ABCC6: variants seen among roughly 807,000 people sequenced by gnomAD.
ABCC6 encodes the protein ATP binding cassette subfamily C member 6.
A neutral mutation model predicts 169.5 loss-of-function variants in ABCC6; 126 were observed. That is an observed-to-expected ratio of 0.74 (90% CI 0.64 to 0.86). ABCC6 has a LOEUF of 0.86. Among genes scored for constraint, ABCC6 ranks in the 40% least tolerant of loss-of-function variants. ABCC6 has a pLI of 0.00. For synonymous variants in ABCC6, 752 were observed against 814.7 expected (o/e 0.92, Z 1.31); for missense variants, 1,733 against 1,927.2 (o/e 0.90, Z 1.89).
At chr16:16,185,270 G>A (rs1358620166) in intron 14 of ABCC6, among the ~76,000 whole-genome samples, 2 of 152,214 alleles carry the variant, frequency 1.3e-5, no homozygotes, top group East Asian at 3.9e-4. Context: ...GTGGCCCAGA[G>A]ACCAAATCCT....
chr16:16,210,984 G>A (rs147222706), intron 6 of ABCC6, among the ~76,000 whole-genome samples: 5,365 of 152,060 alleles, frequency 0.035, 113 homozygotes, highest in African/African-American at 0.046. Context: ...AATCCCAGCT[G>A]CTCGGGAGGC....
intron 7 of ABCC6, among the ~76,000 whole-genome samples, chr16:16,208,428 A>C (rs1356223478): frequency 6.6e-6 from 1 of 151,106 alleles, no homozygotes; most frequent in Non-Finnish European, 1.5e-5. Context: ...GCTGGAGTGC[A>C]ATGGTGACAT....
In ABCC6 at chr16:16,214,946, G is replaced by A. The variant is rs565125285; in HGVS notation, c.475-497C>T. On this transcript the variant is annotated intron_variant, in intron 4 of 30. Transcript: ENST00000205557. ...TCAAATACCCAATTTATAATATTCT[G>A]TCTATACAAATGGTGGGCCAGGGCT... 3.9e-5 allele frequency among the ~76,000 whole-genome samples: 6 copies of A among 152,258 alleles called. No individual in the cohort carries two copies. In the South Asian group the frequency reaches 1.2e-3, roughly 32 times the overall value.
At chr16:16,156,927 A>C (rs2046568732) in intron 27 of ABCC6, among the ~76,000 whole-genome samples, 1 of 126,374 alleles carries the variant, frequency 7.9e-6, no homozygotes, top group Admixed American at 9.7e-5. Flanking sequence ...TGGGCAACAG[A>C]GTGAGACTCT....
chr16:16,218,122 T>A (rs1416478264), intron 4 of ABCC6, among the ~76,000 whole-genome samples: 1 of 150,918 alleles, frequency 6.6e-6, no homozygotes, highest in Non-Finnish European at 1.5e-5. Context: ...AACTCTGTCC[T>A]TAAGGACAGG....
At chr16:16,215,424 A>G (rs947512001) in intron 4 of ABCC6, among the ~76,000 whole-genome samples, 3 of 121,382 alleles carry the variant, frequency 2.5e-5, no homozygotes, top group African/African-American at 9.3e-5. Context: ...AGCATTTTTT[A>G]TTTTTTAATT....
intron 27 of ABCC6, among the ~76,000 whole-genome samples, chr16:16,156,864 A>G (rs547854404): frequency 6.7e-6 from 1 of 149,578 alleles, no homozygotes; most frequent in South Asian, 2.1e-4. Flanking sequence ...AATCACTTGA[A>G]TCTGGGAGGC....
At chr16:16,155,389 A>C in intron 27 of ABCC6, 2 of 334,874 alleles carry the variant, frequency 6.0e-6, no homozygotes, top group South Asian at 4.9e-5. Context: ...TCCATCCCTT[A>C]TCCTTTTTTC....
rs1291588295 is a variant in ABCC6 at position 16,203,626 on chromosome 16, G to C, written c.795-13C>G. On this transcript the variant is annotated splice_polypyrimidine_tract_variant and intron_variant, in intron 7 of 30. Transcript: ENST00000205557. ...TGCCTTGTTGTGCCTGAGGGGAAGGGAGAGATTAGCTCTGGGTCCCATTTT... is the reference window on the plus strand; with the variant it reads ...TGCCTTGTTGTGCCTGAGGGGAAGGCAGAGATTAGCTCTGGGTCCCATTTT... 1.2e-6 allele frequency: 2 copies of C among 1,613,750 alleles called. No individual in the cohort carries two copies. Among genetic ancestry groups the C allele is most frequent in the African/African-American group, 2.7e-5 (2 of 74,938 alleles).
intron 21 of ABCC6, among the ~76,000 whole-genome samples, chr16:16,170,941 AGAAAGAAAG>A (rs1243005911): frequency 3.5e-5 from 3 of 86,116 alleles, no homozygotes; most frequent in African/African-American, 8.8e-5. Context: ...AAAAAAAAAA[AGAAAGAAAG>A]AAAGAAAGAA....
chr16:16,208,743 C>A lies in ABCC6; in HGVS notation c.779G>T (p.Arg260Leu), dbSNP rs755700774. The A allele has an allele frequency of 1.2e-6, 2 of 1,613,516 alleles. No individual in the cohort carries two copies. Among genetic ancestry groups the A allele is most frequent in the Admixed American group, 3.3e-5 (2 of 59,974 alleles). The change falls in exon 7 of 31, where the codon CGC becomes CTC. Residue 260 changes from arginine (R) to leucine (L), a missense_variant. By Grantham distance (102) the Arg-to-Leu change is moderately radical. Coordinates refer to ENST00000205557, the MANE Select transcript of ABCC6 (RefSeq NM_001171.6). The part of the protein sequence containing the change: ...SRLEKEWMRN[R>L]SAARRHNKAI... ...ACCCACTTACCTCCGGGCTGCACTG[C>A]GGTTCCTCATCCACTCCTTTTCAAG...
In ABCC6 at chr16:16,211,955, G is replaced by A. The variant is rs551206028; in HGVS notation, c.662+230C>T. ...TGAGACTCCGGAGGTTTGCGACATG[G>A]CCTGCTAACAGGCAGAGCCGGGATT... On this transcript the variant is annotated intron_variant, in intron 6 of 30. Coordinates refer to ENST00000205557, the MANE Select transcript of ABCC6 (RefSeq NM_001171.6). Among the ~76,000 whole-genome samples the A allele has an allele frequency of 3.3e-5, 5 of 149,842 alleles. No homozygotes were observed. In the East Asian group the frequency reaches 7.9e-4, roughly 24 times the overall value.
intron 9 of ABCC6, among the ~76,000 whole-genome samples, chr16:16,200,248 A>G (rs919261022): frequency 6.6e-5 from 10 of 151,962 alleles, no homozygotes; most frequent in Non-Finnish European, 8.8e-5. Flanking sequence ...CTTGGCCAAC[A>G]TGGTAAAACC....
At chr16:16,155,111 C>T (rs57472302) in intron 27 of ABCC6, 80 bp from the exon 28 acceptor site, 6 of 1,479,428 alleles carry the variant, frequency 4.1e-6, no homozygotes, top group East Asian at 5.0e-5. Flanking sequence ...CTGCTGTACC[C>T]GAGATCTGTC....
At chr16:16,155,168 A>G (rs1011337215) in intron 27 of ABCC6, 137 bp from the exon 28 acceptor site, 16 of 1,028,474 alleles carry the variant, frequency 1.6e-5, no homozygotes, top group African/African-American at 1.1e-4. Flanking sequence ...CTCTCTTTCC[A>G]TCTGTCTACC....
At chr16:16,213,625 G>C (rs2048731873) in intron 5 of ABCC6, among the ~76,000 whole-genome samples, 1 of 140,546 alleles carries the variant, frequency 7.1e-6, no homozygotes. Context: ...CAAATGCACA[G>C]TCTTGGCTCC....
At chr16:16,176,012 C>T (rs371973912) in intron 19 of ABCC6, 26 bp from the exon 20 acceptor site, 485 of 1,609,680 alleles carry the variant, frequency 3.0e-4, no homozygotes, top group Non-Finnish European at 3.8e-4. Context: ...AGTCCTGTCA[C>T]GCAACACGGC....
chr16:16,189,014 C>G (rs779653466), intron 12 of ABCC6, 40 bp from the exon 13 acceptor site: 48 of 1,610,872 alleles, frequency 3.0e-5, no homozygotes, highest in Non-Finnish European at 4.1e-5. Flanking sequence ...CAGTGAGACA[C>G]GCAAGCATGG....
At chr16:16,191,765 C>T (rs561959668) in intron 11 of ABCC6, among the ~76,000 whole-genome samples, 10 of 151,002 alleles carry the variant, frequency 6.6e-5, no homozygotes, top group Non-Finnish European at 1.2e-4. Flanking sequence ...TCTTTCCTTC[C>T]CTCCCTCCTT....
Sources: allele counts gnomAD v4.1 joint callset (sites outside exome capture counted in the v4.1 genomes callset), GRCh38; gene constraint gnomAD v4.1.1; transcripts MANE v1.5; gene names NCBI Gene and HGNC (gene_info 2026-07-23, HGNC 2026-07-21).